Variants in SCAPER observed in about 807,000 individuals in gnomAD.
The protein encoded by SCAPER is S phase cyclin A-associated protein in the endoplasmic reticulum.
A neutral mutation model predicts 182.2 loss-of-function variants in SCAPER; 98 were observed. That is an observed-to-expected ratio of 0.54 (90% confidence interval 0.46 to 0.64). The LOEUF (loss-of-function observed/expected upper bound fraction) is 0.64, where lower values mean the gene tolerates loss of function less well. SCAPER is among the 30% of genes least tolerant of loss of function. The pLI, the probability that SCAPER is intolerant of heterozygous loss-of-function variation, is 0.00. For synonymous variants in SCAPER, 605 were observed against 564.6 expected (o/e 1.07, Z -1.01); for missense variants, 1,432 against 1,690.0 (o/e 0.85, Z 2.68).
intron 23 of SCAPER, among the ~76,000 whole-genome samples, chr15:76,519,583 A>G (rs2042687930): frequency 6.6e-6 from 1 of 152,228 alleles, no homozygotes; most frequent in Non-Finnish European, 1.5e-5. Context: ...TGGACTGTGT[A>G]TCCACTGTTC....
At chr15:76,568,509 C>T (rs934482433) in intron 23 of SCAPER, among the ~76,000 whole-genome samples, 5 of 152,002 alleles carry the variant, frequency 3.3e-5, no homozygotes, top group Non-Finnish European at 2.9e-5. Flanking sequence ...GTGCCCACCA[C>T]CACACCTGGC....
intron 17 of SCAPER, among the ~76,000 whole-genome samples, chr15:76,723,484 C>G (rs1486081798): frequency 2.0e-5 from 3 of 152,066 alleles, no homozygotes; most frequent in African/African-American, 2.4e-5. Flanking sequence ...CCTGGATATC[C>G]TTGTTAACTT....
intron 14 of SCAPER, among the ~76,000 whole-genome samples, chr15:76,758,523 A>G (rs1172696138): frequency 6.6e-6 from 1 of 152,138 alleles, no homozygotes; most frequent in East Asian, 1.9e-4. Flanking sequence ...AAGTGTTATG[A>G]CTATAGCCTT....
At chr15:76,448,161 G>A (rs1407552137) in intron 25 of SCAPER, among the ~76,000 whole-genome samples, 1 of 152,118 alleles carries the variant, frequency 6.6e-6, no homozygotes, top group Non-Finnish European at 1.5e-5. Context: ...AGCATAAGGG[G>A]TAAGACAATG....
At position 76,458,379 on chromosome 15, in the gene SCAPER, CAT is replaced by C. The variant is rs568199184; in HGVS notation, c.3078+12831_3078+12832del. ...TTTTGAAAGTGTATATATACACACA[CAT>C]ATATATATATCCACAAATACAAACA... On this transcript the variant is annotated intron_variant, in intron 25 of 31. Coordinates refer to ENST00000563290, the MANE Select transcript of SCAPER (RefSeq NM_020843.4). Among the ~76,000 whole-genome samples the C allele has an allele frequency of 5.8e-4, 88 of 151,594 alleles. 1 individual carries two copies. In the South Asian group the frequency reaches 9.2e-3, roughly 16 times the overall value.
intron 5 of SCAPER, 141 bp downstream of exon 5, chr15:76,841,593 G>A (rs1430581875): frequency 2.5e-6 from 2 of 801,660 alleles, no homozygotes; most frequent in Non-Finnish European, 3.9e-6. Context: ...GTTGTAATGA[G>A]CCAAGATCGC....
At position 76,724,285 on chromosome 15, in the gene SCAPER, CGA is replaced by C. The variant is rs1567929936; in HGVS notation, c.2165+4308_2165+4309del. ...CTCTTCTGGCTTATAGAGTTTCTGC[CGA>C]GAGATCAGCTGTTAGTCTGATGGGC... On this transcript the variant is annotated intron_variant, in intron 17 of 31. Transcript: ENST00000563290. 3.9e-5 allele frequency among the ~76,000 whole-genome samples: 6 copies of C among 152,182 alleles called. 1 individual carries two copies. The highest frequency in any genetic ancestry group is 1.4e-4 in the African/African-American group (6 of 41,532).
intron 1 of SCAPER, among the ~76,000 whole-genome samples, chr15:76,902,762 T>C (rs903711097): frequency 6.6e-6 from 1 of 152,048 alleles, no homozygotes; most frequent in African/African-American, 2.4e-5. Flanking sequence ...TGGTCAGGTA[T>C]GAAAGTGAAA....
intron 26 of SCAPER, among the ~76,000 whole-genome samples, chr15:76,425,394 C>T (rs1405011243): frequency 6.6e-6 from 1 of 152,210 alleles, no homozygotes; most frequent in Admixed American, 6.5e-5. Flanking sequence ...ACCCTTTCTT[C>T]CAGTTGATAG....
At chr15:76,540,616 T>A (rs1378708617) in intron 23 of SCAPER, among the ~76,000 whole-genome samples, 1 of 152,088 alleles carries the variant, frequency 6.6e-6, no homozygotes, top group East Asian at 1.9e-4. Context: ...TGTAAGCTGT[T>A]AAAATTGTTA....
chr15:76,746,748 A>G (rs2061812497), intron 15 of SCAPER, among the ~76,000 whole-genome samples: 2 of 152,266 alleles, frequency 1.3e-5, no homozygotes, highest in Admixed American at 6.5e-5. Context: ...CAAAAATGAA[A>G]TTAAGATAAC....
At chr15:76,854,096 T>C (rs887966341) in intron 4 of SCAPER, among the ~76,000 whole-genome samples, 3 of 151,948 alleles carry the variant, frequency 2.0e-5, no homozygotes, top group African/African-American at 7.3e-5. Flanking sequence ...AGGTGAAACC[T>C]TGTCTTTACT....
intron 1 of SCAPER, among the ~76,000 whole-genome samples, chr15:76,889,209 G>C (rs2074027447): frequency 6.6e-6 from 1 of 152,192 alleles, no homozygotes; most frequent in Non-Finnish European, 1.5e-5. Flanking sequence ...ACCGGTACCA[G>C]ACACTGCAAA....
chr15:76,607,832 G>A lies in SCAPER; in HGVS notation c.2711+13932C>T, dbSNP rs865928989. ...ATCGGCTACTGAGGCTTCTGCATTC[G>A]TCACGTAGCTCTTGTGCCTTGGTTT... On this transcript the variant is annotated intron_variant, in intron 22 of 31. Transcript: ENST00000563290. Among the ~76,000 whole-genome samples, 8 of 152,016 alleles carry A rather than the reference G, an allele frequency of 5.3e-5. No homozygotes were observed. The South Asian group carries it at 1.2e-3, about 24-fold the overall frequency.
At chr15:76,751,906 G>C (rs867130242) in intron 15 of SCAPER, among the ~76,000 whole-genome samples, 13 of 151,636 alleles carry the variant, frequency 8.6e-5, no homozygotes, top group African/African-American at 2.7e-4. Context: ...AAAACATTTT[G>C]CATGTCAAAA....
chr15:76,512,094 G>A (rs948388519), intron 23 of SCAPER, among the ~76,000 whole-genome samples: 1 of 151,546 alleles, frequency 6.6e-6, no homozygotes, highest in Admixed American at 6.6e-5. Flanking sequence ...CACCATGTTG[G>A]TCAGGCCGGT....
At chr15:76,878,407 G>A (rs928046218) in intron 2 of SCAPER, among the ~76,000 whole-genome samples, 3 of 143,116 alleles carry the variant, frequency 2.1e-5, no homozygotes, top group African/African-American at 7.4e-5. Context: ...ATACAGGGGA[G>A]TATTTTCATG....
intron 27 of SCAPER, among the ~76,000 whole-genome samples, chr15:76,395,362 C>T (rs1191613294): frequency 2.0e-5 from 3 of 152,018 alleles, no homozygotes; most frequent in Non-Finnish European, 2.9e-5. Context: ...GGGTATATAC[C>T]CAGCAGTGGG....
chr15:76,431,865 T>C (rs1033643663), intron 26 of SCAPER, among the ~76,000 whole-genome samples: 5 of 152,072 alleles, frequency 3.3e-5, no homozygotes, highest in Non-Finnish European at 7.4e-5. Context: ...AGCAGTATGG[T>C]TGTCAATCAT....
Sources: gnomAD v4.1 joint callset for allele counts (sites outside exome capture counted in the v4.1 genomes callset) on GRCh38, gnomAD v4.1.1 for gene constraint, MANE v1.5 for transcripts, NCBI Gene and HGNC (gene_info 2026-07-23, HGNC 2026-07-21) for gene names.